MACROD2: variants seen among roughly 807,000 people sequenced by gnomAD.
MACROD2 encodes the protein ADP-ribose glycohydrolase MACROD2.
MACROD2 carries 36 observed loss-of-function variants against 70.4 expected under a neutral mutation model. The observed-to-expected ratio is 0.51, with a 90% CI of 0.39 to 0.68. The LOEUF is 0.68. Among genes scored for constraint, MACROD2 ranks in the 30% least tolerant of loss-of-function variants. MACROD2 has a pLI of 0.00. For missense variants in MACROD2, 496 were observed against 538.4 expected, an observed-to-expected ratio of 0.92 and a Z score of 0.78; for synonymous variants, 172 against 178.8, an observed-to-expected ratio of 0.96 and a Z score of 0.30.
intron 15 of MACROD2, among the ~76,000 whole-genome samples, chr20:16,024,859 G>C (rs2067055811): frequency 6.6e-6 from 1 of 152,134 alleles, no homozygotes; most frequent in Non-Finnish European, 1.5e-5. Flanking sequence ...TCTATAAAAA[G>C]AAAGAAATTA....
At chr20:15,827,724 C>G (rs189474421) in intron 8 of MACROD2, among the ~76,000 whole-genome samples, 3 of 152,322 alleles carry the variant, frequency 2.0e-5, no homozygotes, top group African/African-American at 7.2e-5. Flanking sequence ...AAACTCTTAA[C>G]AGCAGACTGT....
chr20:15,156,174 A>G (rs760864487), intron 5 of MACROD2, among the ~76,000 whole-genome samples: 8 of 152,144 alleles, frequency 5.3e-5, no homozygotes, highest in Non-Finnish European at 1.0e-4. Context: ...AAGTGATGGC[A>G]AGGATGTGAA....
At chr20:14,909,407 CG>C (rs1764706323) in intron 5 of MACROD2, among the ~76,000 whole-genome samples, 1 of 151,984 alleles carries the variant, frequency 6.6e-6, no homozygotes. Flanking sequence ...ATAGGCCTAT[CG>C]TTTATTGCAA....
At chr20:14,292,017 C>T (rs1011321458) in intron 3 of MACROD2, among the ~76,000 whole-genome samples, 1 of 151,882 alleles carries the variant, frequency 6.6e-6, no homozygotes, top group African/African-American at 2.4e-5. Flanking sequence ...GTCTAGCCTT[C>T]ATCTGATTCC....
chr20:15,009,861 A>G (rs1455455025), intron 5 of MACROD2, among the ~76,000 whole-genome samples: 1 of 151,546 alleles, frequency 6.6e-6, no homozygotes, highest in Non-Finnish European at 1.5e-5. Flanking sequence ...CCTTCCAACT[A>G]AATTTCAACA....
chr20:14,758,987 C>T (rs1464861771), intron 5 of MACROD2, among the ~76,000 whole-genome samples: 1 of 152,074 alleles, frequency 6.6e-6, no homozygotes, highest in African/African-American at 2.4e-5. Context: ...ATCTTACTCT[C>T]CTTTTTCTAT....
At chr20:15,928,043 C>A (rs570529427) in intron 10 of MACROD2, among the ~76,000 whole-genome samples, 1 of 152,038 alleles carries the variant, frequency 6.6e-6, no homozygotes, top group African/African-American at 2.4e-5. Context: ...TGAAAAGTGG[C>A]GAAACACAGA....
At chr20:15,672,700 CTGT>C (rs1447557123) in intron 8 of MACROD2, among the ~76,000 whole-genome samples, 5 of 152,154 alleles carry the variant, frequency 3.3e-5, no homozygotes, top group Admixed American at 6.5e-5. Context: ...TTCACTGAGA[CTGT>C]TGAGACAGAG....
chr20:15,381,552 T>G (rs1600325266), intron 6 of MACROD2, among the ~76,000 whole-genome samples: 1 of 151,940 alleles, frequency 6.6e-6, no homozygotes, highest in East Asian at 1.9e-4. Context: ...TGTAATACCA[T>G]CTACTTGGGA....
At chr20:13,996,854 G>T (rs983781325) in intron 1 of MACROD2, among the ~76,000 whole-genome samples, 1 of 152,216 alleles carries the variant, frequency 6.6e-6, no homozygotes, top group African/African-American at 2.4e-5. Context: ...TGAGGGTAGT[G>T]CGCATTTCTC....
chr20:14,552,042 A>C (rs2123263653), intron 4 of MACROD2, among the ~76,000 whole-genome samples: 1 of 152,124 alleles, frequency 6.6e-6, no homozygotes, highest in South Asian at 2.1e-4. Context: ...TTTACAGATA[A>C]AAGTATATGC....
At chr20:14,204,363 T>C (rs2081505420) in intron 3 of MACROD2, among the ~76,000 whole-genome samples, 1 of 152,162 alleles carries the variant, frequency 6.6e-6, no homozygotes, top group Admixed American at 6.5e-5. Flanking sequence ...TGTGAGGGGA[T>C]GTCAGCAGTG....
At chr20:15,918,265 CT>C (rs1267028782) in intron 10 of MACROD2, among the ~76,000 whole-genome samples, 1 of 152,120 alleles carries the variant, frequency 6.6e-6, no homozygotes, top group Non-Finnish European at 1.5e-5. Flanking sequence ...CATAATGTTT[CT>C]TCCTGAAATT....
At chr20:15,434,166 A>G (rs1249066610) in intron 7 of MACROD2, among the ~76,000 whole-genome samples, 3 of 152,042 alleles carry the variant, frequency 2.0e-5, no homozygotes, top group Non-Finnish European at 2.9e-5. Flanking sequence ...TGCAACAAAA[A>G]CAAAAATAAA....
chr20:15,517,412 T>A (rs1464999806), intron 8 of MACROD2, among the ~76,000 whole-genome samples: 2 of 152,186 alleles, frequency 1.3e-5, no homozygotes, highest in Non-Finnish European at 2.9e-5. Context: ...TCTCCCTCAC[T>A]TCACCATTTG....
At chr20:15,803,529 T>C (rs1042172985) in intron 8 of MACROD2, among the ~76,000 whole-genome samples, 3 of 152,146 alleles carry the variant, frequency 2.0e-5, no homozygotes, top group African/African-American at 7.2e-5. Context: ...AAAATGTGTA[T>C]TGAGAATGGG....
chr20:15,833,182 C>T lies in MACROD2; in HGVS notation c.646-29563C>T, dbSNP rs528171147. ...CTCCACAGTGTAGTACAACTATTTC[C>T]AGCATTCATCATTGTTAATGACTAT... On this transcript the variant is annotated intron_variant, in intron 8 of 17. Transcript: ENST00000684519. 2.0e-5 allele frequency among the ~76,000 whole-genome samples: 3 copies of T among 152,282 alleles called. No homozygotes were observed. The South Asian group carries it at 6.2e-4, about 32-fold the overall frequency.
At chr20:15,913,820 T>G (rs1197998331) in intron 10 of MACROD2, among the ~76,000 whole-genome samples, 3 of 152,220 alleles carry the variant, frequency 2.0e-5, no homozygotes, top group Admixed American at 6.5e-5. Flanking sequence ...CCTCTCAAAG[T>G]GAAAGTGCTT....
intron 5 of MACROD2, among the ~76,000 whole-genome samples, chr20:15,050,175 A>G (rs1034460404): frequency 1.3e-5 from 2 of 152,130 alleles, no homozygotes; most frequent in Non-Finnish European, 2.9e-5. Flanking sequence ...GGAGCTTTTG[A>G]TGATTCTCTC....
Sources: gnomAD v4.1 joint callset for allele counts (sites outside exome capture counted in the v4.1 genomes callset) on GRCh38, gnomAD v4.1.1 for gene constraint, MANE v1.5 for transcripts, NCBI Gene and HGNC (gene_info 2026-07-23, HGNC 2026-07-21) for gene names.